Variants in ZNF385D observed in about 807,000 individuals in gnomAD.
The protein encoded by ZNF385D is zinc finger protein 385D, also known as zinc finger protein 659.
A neutral mutation model predicts 35.8 loss-of-function variants in ZNF385D; 15 were observed. The observed-to-expected ratio is 0.42, with a 90% CI of 0.28 to 0.64. ZNF385D has a LOEUF of 0.64. Ranked by LOEUF, ZNF385D falls within the 30% of genes least tolerant of loss-of-function variation. The probability of loss-of-function intolerance (pLI) is 0.23; values close to 1 mark genes in which losing one functional copy is unlikely to be tolerated. For synonymous variants in ZNF385D, 212 were observed against 186.8 expected, an observed-to-expected ratio of 1.13 and a Z score of -1.10; for missense variants, 474 against 494.6, an observed-to-expected ratio of 0.96 and a Z score of 0.39.
intron 3 of ZNF385D, among the ~76,000 whole-genome samples, chr3:21,776,806 C>G (rs1462514198): frequency 6.6e-6 from 1 of 151,842 alleles, no homozygotes; most frequent in Non-Finnish European, 1.5e-5. Flanking sequence ...TTACGGCTAC[C>G]AGAACTCCAT....
intron 2 of ZNF385D, among the ~76,000 whole-genome samples, chr3:22,203,136 C>G (rs944476678): frequency 6.6e-6 from 1 of 152,062 alleles, no homozygotes; most frequent in Non-Finnish European, 1.5e-5. Flanking sequence ...ATAACGTCCC[C>G]TCCACTTGAG....
intron 2 of ZNF385D, among the ~76,000 whole-genome samples, chr3:22,341,777 C>A (rs1220471529): frequency 6.6e-6 from 1 of 152,204 alleles, no homozygotes; most frequent in Non-Finnish European, 1.5e-5. Context: ...CTGAGCTCTT[C>A]TACTTATCAT....
chr3:21,918,315 A>C (rs1700292722), intron 3 of ZNF385D, among the ~76,000 whole-genome samples: 1 of 152,228 alleles, frequency 6.6e-6, no homozygotes, highest in Non-Finnish European at 1.5e-5. Context: ...GACAGGAAAC[A>C]AAAGAAATGA....
intron 2 of ZNF385D, among the ~76,000 whole-genome samples, chr3:21,575,937 G>A (rs184030646): frequency 1.3e-5 from 2 of 152,218 alleles, no homozygotes; most frequent in East Asian, 3.9e-4. Flanking sequence ...CAATAGCAGT[G>A]GGAAAACCTG....
At chr3:22,364,466 G>A (rs1437216021) in intron 2 of ZNF385D, among the ~76,000 whole-genome samples, 2 of 151,936 alleles carry the variant, frequency 1.3e-5, no homozygotes, top group African/African-American at 4.8e-5. Flanking sequence ...CTTTAAAGGA[G>A]ACATACAAAT....
chr3:21,923,367 G>A (rs182263677), intron 3 of ZNF385D, among the ~76,000 whole-genome samples: 2 of 152,098 alleles, frequency 1.3e-5, no homozygotes, highest in Non-Finnish European at 2.9e-5. Flanking sequence ...AACGCATGCT[G>A]GAGAGGCTGG....
Position 21,436,576 on chromosome 3 carries a change from G to A in ZNF385D, c.673+394C>T, listed in dbSNP as rs376680099. On this transcript the variant is annotated intron_variant, in intron 5 of 7. Coordinates refer to ENST00000281523, the MANE Select transcript of ZNF385D (RefSeq NM_024697.3). The stretch of plus-strand genomic sequence containing the variant: ...TCAAAATAGAGGGGTTTTAACCAAA[G>A]GTGCTTAGAGTCACGCAACTACACA... Among the ~76,000 whole-genome samples the A allele has an allele frequency of 2.6e-5, 4 of 151,968 alleles. No homozygotes were observed. In the South Asian group the frequency reaches 8.3e-4, roughly 32 times the overall value.
At chr3:22,224,302 G>A (rs1698431127) in intron 2 of ZNF385D, among the ~76,000 whole-genome samples, 1 of 152,160 alleles carries the variant, frequency 6.6e-6, no homozygotes, top group African/African-American at 2.4e-5. Context: ...TGGAGTAGTA[G>A]TGTAATCAAC....
intron 2 of ZNF385D, among the ~76,000 whole-genome samples, chr3:22,184,277 C>T (rs1695479184): frequency 6.6e-6 from 1 of 151,794 alleles, no homozygotes; most frequent in East Asian, 1.9e-4. Flanking sequence ...ATTTCACACT[C>T]ATGTTCATGG....
intron 4 of ZNF385D, among the ~76,000 whole-genome samples, chr3:21,457,505 G>T (rs1267823774): frequency 1.3e-5 from 2 of 151,978 alleles, no homozygotes; most frequent in African/African-American, 2.4e-5. Context: ...ACAGGGGCAT[G>T]CCACCATGCC....
intron 3 of ZNF385D, among the ~76,000 whole-genome samples, chr3:21,932,166 CAAAAAAA>C (rs543138588): frequency 6.3e-4 from 35 of 55,334 alleles, no homozygotes; most frequent in African/African-American, 2.7e-3. Context: ...GACTCATTCT[CAAAAAAA>C]AAAAAAAAAA....
intron 2 of ZNF385D, among the ~76,000 whole-genome samples, chr3:21,594,451 C>T (rs546831724): frequency 7.9e-5 from 12 of 152,190 alleles, no homozygotes; most frequent in African/African-American, 2.9e-4. Context: ...GGGAAAATGC[C>T]AATCAACAGA....
At chr3:22,339,424 C>T (rs1695323073) in intron 2 of ZNF385D, among the ~76,000 whole-genome samples, 1 of 152,122 alleles carries the variant, frequency 6.6e-6, no homozygotes, top group African/African-American at 2.4e-5. Context: ...ATGCTAGGTG[C>T]TGAATATTTA....
chr3:22,072,515 T>C (rs1387700617), intron 3 of ZNF385D, among the ~76,000 whole-genome samples: 1 of 152,076 alleles, frequency 6.6e-6, no homozygotes, highest in African/African-American at 2.4e-5. Flanking sequence ...AGTATTATAC[T>C]TACTAACTTT....
Position 22,295,713 on chromosome 3 carries a change from T to A in ZNF385D, c.106+76737A>T, listed in dbSNP as rs372143252. On this transcript the variant is annotated intron_variant, in intron 2 of 5. Coordinates refer to the ZNF385D transcript ENST00000494108. ...CTTTTGATTACTTTATATGCACACC[T>A]CATAGTCTGACTTCGGATGTTTTAG... Among the ~76,000 whole-genome samples the A allele has an allele frequency of 1.2e-4, 19 of 152,236 alleles. No individual in the cohort carries two copies. The East Asian group carries it at 3.7e-3, about 29-fold the overall frequency.
chr3:22,267,688 G>C (rs1015875243), intron 2 of ZNF385D, among the ~76,000 whole-genome samples: 1 of 151,692 alleles, frequency 6.6e-6, no homozygotes, highest in African/African-American at 2.4e-5. Context: ...TGCAAATAAC[G>C]AATCAACTTC....
chr3:21,970,724 C>A (rs754651559), intron 3 of ZNF385D, among the ~76,000 whole-genome samples: 1 of 151,798 alleles, frequency 6.6e-6, no homozygotes, highest in South Asian at 2.1e-4. Context: ...TTATAGAACA[C>A]CAAGAAGATT....
rs1701592513 is a variant in ZNF385D, at chr3:21,437,102, G to T, written c.541C>A (p.Pro181Thr). The change falls in exon 5 of 8, where the codon CCA becomes ACA. Residue 181 changes from proline to threonine, a missense_variant. Physicochemically the swap from Pro to Thr is conservative, Grantham distance 38. Transcript: ENST00000281523. Reference sequence around the variant, plus strand: ...GAGCTATTGCCAGTGGCTGTCGTTGGGCTTTTTTCCACTTTAGAGGTGATC... The same window carrying T: ...GAGCTATTGCCAGTGGCTGTCGTTGTGCTTTTTTCCACTTTAGAGGTGATC... Reference protein sequence around the residue: ...TEITSKVEKSPTTATGNSSCP... With the variant: ...TEITSKVEKSTTTATGNSSCP... The T allele has an allele frequency of 2.5e-6, 4 of 1,613,856 alleles. No homozygotes were observed. Among genetic ancestry groups the T allele is most frequent in the Non-Finnish European group, 3.4e-6 (4 of 1,179,862 alleles).
In ZNF385D at chr3:21,952,017, C is replaced by T. The variant is rs546177983; in HGVS notation, c.325+216800G>A. On this transcript the variant is annotated intron_variant, in intron 3 of 5. Transcript: ENST00000494108. ...TTAGATCTTCAGGACCTAACTGACC[C>T]CCTGAACTCAACACAAGACTGTCTT... 2.6e-4 allele frequency among the ~76,000 whole-genome samples: 40 copies of T among 151,668 alleles called. 1 individual carries two copies. The highest frequency in any genetic ancestry group is 9.5e-4 in the African/African-American group (39 of 41,114).
Sources: gnomAD v4.1 joint callset for allele counts (sites outside exome capture counted in the v4.1 genomes callset) on GRCh38, gnomAD v4.1.1 for gene constraint, MANE v1.5 for transcripts, NCBI Gene and HGNC (gene_info 2026-07-23, HGNC 2026-07-21) for gene names.